Variants in TOM1 observed in about 807,000 individuals in gnomAD.
The protein encoded by TOM1 is target of Myb protein 1.
TOM1 carries 38 observed loss-of-function variants against 61.3 expected under a neutral mutation model. The ratio of observed to expected loss-of-function variants is 0.62; its 90% CI spans 0.48 to 0.81. The LOEUF is 0.81. TOM1 is among the 40% of genes least tolerant of loss of function. The pLI is 0.00. For missense variants in TOM1, 591 were observed against 659.6 expected (o/e 0.90, Z 1.14); for synonymous variants, 270 against 268.8 (o/e 1.00, Z -0.04).
chr22:35,334,496 C>T (rs200711597), intron 11 of TOM1, 48 bp downstream of exon 11: 56 of 1,609,344 alleles, frequency 3.5e-5, no homozygotes, highest in East Asian at 3.3e-4. Context: ...GGGTGGCTCT[C>T]GGGGTTCTGG....
Position 35,323,147 on chromosome 22 carries a change from C to G in TOM1, c.336C>G (p.Ile112Met), listed in dbSNP as rs774932722. The change falls in exon 4 of 15, where the codon ATC (isoleucine) becomes ATG (methionine). Residue 112 changes from isoleucine to methionine, a missense_variant. Ile to Met is a conservative substitution (Grantham distance 10). Coordinates refer to ENST00000449058, the MANE Select transcript of TOM1 (RefSeq NM_005488.3). The surrounding 1 kb of genome is among the most constrained non-coding windows in gnomAD (Gnocchi z 4.2). ...TGCCCAAGAACAACCCACCCACCAT[C>G]GTGCATGACAAAGTGCTCAACCTCA... ...TILPKNNPPT[I>M]VHDKVLNLIQ... The G allele has an allele frequency of 6.2e-7, 1 of 1,614,096 alleles. No homozygotes were observed. The highest frequency in any genetic ancestry group is 1.7e-5 in the Admixed American group (1 of 60,026).
intron 6 of TOM1, 57 bp from the exon 7 acceptor site, chr22:35,327,210 TGTGA>T: frequency 6.6e-7 from 1 of 1,514,534 alleles, no homozygotes; most frequent in African/African-American, 1.4e-5. Context: ...GTTCTGTCGC[TGTGA>T]GTAACATGGG....
chr22:35,345,661 T>G, intron 12 of TOM1, 64 bp from the exon 13 acceptor site: 42 of 1,538,076 alleles, frequency 2.7e-5, no homozygotes, highest in African/African-American at 5.4e-5. Context: ...TGCAGGGTGC[T>G]GAGCTGGCAC....
chr22:35,323,075 G>C lies in TOM1; in HGVS notation c.264G>C (p.Leu88=). ...ACTGCGGGCACCGCTTCCACGTGCT[G>C]GTGGCCAGCCAGGACTTCGTGGAGA... ...VKNCGHRFHV[L]VASQDFVESV... The change falls in exon 4 of 15, where the codon CTG becomes CTC. Residue 88 remains leucine, a synonymous_variant. Transcript: ENST00000449058. This position sits in a 1 kb window ranked among gnomAD's most constrained non-coding sequence, Gnocchi z 4.2. 1 of 1,614,174 alleles carries C rather than the reference G, an allele frequency of 6.2e-7. No homozygotes were observed. Among genetic ancestry groups the C allele is most frequent in the Non-Finnish European group, 8.5e-7 (1 of 1,180,042 alleles).
chr22:35,302,751 C>G (rs1055095121), intron 1 of TOM1, among the ~76,000 whole-genome samples: 12 of 152,160 alleles, frequency 7.9e-5, no homozygotes, highest in South Asian at 2.1e-4. Flanking sequence ...GTGACTCATC[C>G]AAGACCCCAG....
At chr22:35,311,041 A>T (rs1434909077) in intron 1 of TOM1, 1 of 152,298 alleles carries the variant, frequency 6.6e-6, no homozygotes, top group African/African-American at 2.4e-5. Flanking sequence ...GGAGGAGCAC[A>T]TTTCTTCCTG....
chr22:35,312,375 T>G (rs1926914533), intron 1 of TOM1, among the ~76,000 whole-genome samples: 1 of 152,182 alleles, frequency 6.6e-6, no homozygotes, highest in Non-Finnish European at 1.5e-5. Context: ...AATTGTCAGT[T>G]GTGGCCTCCC....
At chr22:35,301,627 C>T (rs552591067) in intron 1 of TOM1, among the ~76,000 whole-genome samples, 44 of 152,266 alleles carry the variant, frequency 2.9e-4, no homozygotes, top group African/African-American at 9.9e-4. Flanking sequence ...TAGTGTCTTG[C>T]GAAACCTCAC....
Position 35,299,949 on chromosome 22 carries a change from C to G in TOM1, c.21C>G (p.Asn7Lys), listed in dbSNP as rs367708085. MDFLLGNPFSSPVGQRI... is the reference protein window; with the variant it reads MDFLLGKPFSSPVGQRI... Reference sequence around the variant, plus strand: ...CAGCAATGGACTTTCTCCTGGGGAACCCGTTCAGCTCTCCAGTGGGACAGC... The same window carrying G: ...CAGCAATGGACTTTCTCCTGGGGAAGCCGTTCAGCTCTCCAGTGGGACAGC... The change falls in exon 1 of 15, where the codon AAC (asparagine) becomes AAG (lysine). Residue 7 changes from asparagine to lysine, a missense_variant. By Grantham distance (94) the Asn-to-Lys change is moderately conservative. Transcript: ENST00000449058. The G allele has an allele frequency of 5.7e-6, 9 of 1,583,218 alleles. No individual in the cohort carries two copies. In the South Asian group the frequency reaches 8.0e-5, roughly 14 times the overall value.
intron 11 of TOM1, among the ~76,000 whole-genome samples, chr22:35,336,195 T>G (rs1929319230): frequency 6.6e-6 from 1 of 152,196 alleles, no homozygotes; most frequent in African/African-American, 2.4e-5. Context: ...TCCCCAGGGC[T>G]TGGTTTCCAC....
chr22:35,334,869 G>GC (rs886941181), intron 11 of TOM1, among the ~76,000 whole-genome samples: 1 of 138,582 alleles, frequency 7.2e-6, no homozygotes, highest in African/African-American at 2.7e-5. Flanking sequence ...CGCATAGTAA[G>GC]CCCTCCAGGA....
At chr22:35,343,500 C>CACAT in intron 12 of TOM1, among the ~76,000 whole-genome samples, 1 of 144,516 alleles carries the variant, frequency 6.9e-6, no homozygotes, top group African/African-American at 2.6e-5. Context: ...ACACATCACA[C>CACAT]CTACACACTC....
intron 11 of TOM1, among the ~76,000 whole-genome samples, chr22:35,338,007 C>T (rs1234358457): frequency 2.6e-5 from 4 of 152,314 alleles, no homozygotes; most frequent in Admixed American, 6.5e-5. Context: ...TCTTGCTCCC[C>T]AGGAGACTTA....
chr22:35,312,099 A>G lies in TOM1; in HGVS notation c.53-5778A>G, dbSNP rs541074314. Among the ~76,000 whole-genome samples the G allele has an allele frequency of 2.0e-5, 3 of 151,410 alleles. No individual in the cohort carries two copies. The East Asian group carries it at 5.8e-4, about 29-fold the overall frequency. On this transcript the variant is annotated intron_variant, in intron 1 of 14. Coordinates refer to ENST00000449058, the MANE Select transcript of TOM1 (RefSeq NM_005488.3). ...GAAACCTCATCTCTACTAAAAATAC[A>G]AAAAAAAATTAGGCGGGCGCCTGTA...
intron 1 of TOM1, among the ~76,000 whole-genome samples, chr22:35,313,235 T>C (rs1039312380): frequency 1.3e-5 from 2 of 151,800 alleles, no homozygotes; most frequent in South Asian, 2.1e-4. Flanking sequence ...TAATCCCAGC[T>C]ACTCGGGAGG....
Position 35,346,968 on chromosome 22 carries a change from AG to A in TOM1, c.1324+1del, listed in dbSNP as rs748684506. The A allele has an allele frequency of 6.2e-7, 1 of 1,612,736 alleles. No homozygotes were observed. Among genetic ancestry groups the A allele is most frequent in the Non-Finnish European group, 8.5e-7 (1 of 1,179,462 alleles). ...AEEPKGVTSE[E>X]FDKFLEERAK... ...AAGAGCCTAAGGGGGTCACCAGCGA[AG>A]GTAGTAGTCCCCGCCCCTGCCCGCC... On this transcript the variant is annotated frameshift_variant and splice_region_variant, in exon 14 of 15. Transcript: ENST00000449058. LOFTEE classifies it high-confidence loss of function.
In TOM1 at chr22:35,347,182, A is replaced by T; in HGVS notation, c.1452A>T (p.Lys484Asn). The T allele has an allele frequency of 1.2e-6, 2 of 1,612,218 alleles. No homozygotes were observed. The highest frequency in any genetic ancestry group is 1.7e-6 in the Non-Finnish European group (2 of 1,179,186). The stretch of plus-strand genomic sequence containing the variant: ...CGCCCCGGAAGAAGACCCAGGAGAA[A>T]GATGATGACATGCTGTTTGCCTTAT... ...GPAPRKKTQE[K>N]DDDMLFAL Residue 484 changes from lysine to asparagine, a missense_variant, in exon 15 of 15, where the codon AAA (lysine) becomes AAT (asparagine). By Grantham distance (94) the Lys-to-Asn change is moderately conservative. Transcript: ENST00000449058.
At chr22:35,313,831 C>T (rs1328664290) in intron 1 of TOM1, among the ~76,000 whole-genome samples, 1 of 152,184 alleles carries the variant, frequency 6.6e-6, no homozygotes. Context: ...ACTGCAAAGC[C>T]GCCTGATGAC....
chr22:35,346,075 C>T (rs73885920), intron 13 of TOM1, among the ~76,000 whole-genome samples: 2,269 of 152,310 alleles, frequency 0.015, 47 homozygotes, highest in African/African-American at 0.051. Context: ...AGAGGCTAAC[C>T]GAGGAAGCAT....
Sources: gnomAD v4.1 joint callset for allele counts (sites outside exome capture counted in the v4.1 genomes callset) on GRCh38, gnomAD v4.1.1 for gene constraint, Gnocchi (gnomAD v3.1) non-coding constraint, MANE v1.5 for transcripts, NCBI Gene and HGNC (gene_info 2026-07-23, HGNC 2026-07-21) for gene names.